CSGALNACT1: variants seen among roughly 807,000 people sequenced by gnomAD.
CSGALNACT1 encodes chondroitin sulfate N-acetylgalactosaminyltransferase 1.
A neutral mutation model predicts 51.0 loss-of-function variants in CSGALNACT1; 52 were observed. That is an observed-to-expected ratio of 1.02 (90% CI 0.82 to 1.29). CSGALNACT1 has a LOEUF of 1.29. Among genes scored for constraint, CSGALNACT1 ranks in the 50% most tolerant of loss-of-function variants. CSGALNACT1 has a pLI of 0.00. For missense variants in CSGALNACT1, 935 were observed against 679.2 expected (o/e 1.38, Z -4.19); for synonymous variants, 341 against 254.4 (o/e 1.34, Z -3.24).
At chr8:19,468,983 A>G (rs1273637211) in intron 4 of CSGALNACT1, among the ~76,000 whole-genome samples, 1 of 152,172 alleles carries the variant, frequency 6.6e-6, no homozygotes, top group African/African-American at 2.4e-5. Flanking sequence ...AGTCCCAATG[A>G]CAGAAGCACT....
Position 19,631,262 on chromosome 8 carries a change from A to G in CSGALNACT1, c.-543-29397T>C, listed in dbSNP as rs574859222. 1.0e-4 allele frequency among the ~76,000 whole-genome samples: 15 copies of G among 148,594 alleles called. No individual in the cohort carries two copies. The East Asian group carries it at 2.4e-3, about 23-fold the overall frequency. On this transcript the variant is annotated intron_variant, in intron 1 of 9. Transcript: ENST00000332246. ...ATGCTAAGACTATGTTTAGCTTTGG[A>G]AAAAAAAAACTGCCAAACTGTCTTC...
At chr8:19,452,531 C>T (rs1295143872) in intron 5 of CSGALNACT1, among the ~76,000 whole-genome samples, 1 of 152,046 alleles carries the variant, frequency 6.6e-6, no homozygotes, top group African/African-American at 2.4e-5. Context: ...ATGAGACATG[C>T]TGAGAGCTGA....
chr8:19,649,256 A>G (rs748369290), intron 1 of CSGALNACT1, among the ~76,000 whole-genome samples: 17 of 152,172 alleles, frequency 1.1e-4, no homozygotes, highest in Non-Finnish European at 2.2e-4. Context: ...TATGACTACA[A>G]AGAACCTCCT....
At chr8:19,684,795 AAAG>A (rs1278614115), upstream of CSGALNACT1, among the ~76,000 whole-genome samples, 1 of 152,250 alleles carries the variant, frequency 6.6e-6, no homozygotes. Flanking sequence ...CAGAAGAAAA[AAAG>A]AACGTGAATC....
intron 1 of CSGALNACT1, among the ~76,000 whole-genome samples, chr8:19,615,361 G>A (rs749187000): frequency 4.6e-5 from 7 of 152,180 alleles, no homozygotes; most frequent in East Asian, 1.9e-4. Context: ...TCCAAGTGGC[G>A]TCCTGGGAGG....
chr8:19,730,609 T>C (rs2063638165), intron 1 of CSGALNACT1, among the ~76,000 whole-genome samples: 1 of 152,198 alleles, frequency 6.6e-6, no homozygotes, highest in Non-Finnish European at 1.5e-5. Context: ...CTGCCTGCTG[T>C]CTGTCGTTGT....
At chr8:19,618,387 T>G (rs775368654) in intron 1 of CSGALNACT1, among the ~76,000 whole-genome samples, 2 of 151,774 alleles carry the variant, frequency 1.3e-5, no homozygotes, top group African/African-American at 4.8e-5. Context: ...ATACCTGTAA[T>G]CCCACAATTT....
At chr8:19,573,623 T>C (rs2043503264) in intron 3 of CSGALNACT1, among the ~76,000 whole-genome samples, 4 of 152,146 alleles carry the variant, frequency 2.6e-5, no homozygotes, top group Admixed American at 2.6e-4. Flanking sequence ...TTTGTATTTT[T>C]AGTAGATACA....
At chr8:19,462,617 G>A (rs2065795459) in intron 4 of CSGALNACT1, among the ~76,000 whole-genome samples, 1 of 152,154 alleles carries the variant, frequency 6.6e-6, no homozygotes, top group South Asian at 2.1e-4. Flanking sequence ...TCCAGGTATG[G>A]CACACTGCCC....
At chr8:19,705,272 G>T (rs1326937834) in intron 1 of CSGALNACT1, among the ~76,000 whole-genome samples, 2 of 152,012 alleles carry the variant, frequency 1.3e-5, no homozygotes, top group African/African-American at 4.8e-5. Flanking sequence ...GTAACTCAAG[G>T]GTAGCTATTT....
At chr8:19,518,802 G>C (rs1383214317) in intron 3 of CSGALNACT1, among the ~76,000 whole-genome samples, 1 of 152,184 alleles carries the variant, frequency 6.6e-6, no homozygotes, top group Non-Finnish European at 1.5e-5. Flanking sequence ...AGGCAGAGAT[G>C]CTGAGTGTAG....
intron 4 of CSGALNACT1, among the ~76,000 whole-genome samples, chr8:19,481,412 C>T (rs2071366829): frequency 6.6e-6 from 1 of 152,126 alleles, no homozygotes; most frequent in Non-Finnish European, 1.5e-5. Flanking sequence ...TAGGGCCTAA[C>T]AAATGGGAAG....
chr8:19,514,809 G>C (rs2079206630), intron 3 of CSGALNACT1, among the ~76,000 whole-genome samples: 1 of 151,618 alleles, frequency 6.6e-6, no homozygotes, highest in Non-Finnish European at 1.5e-5. Flanking sequence ...CTCCAGCCTG[G>C]GGGACAGAGT....
chr8:19,740,128 C>T (rs1210731878), intron 1 of CSGALNACT1, among the ~76,000 whole-genome samples: 1 of 152,238 alleles, frequency 6.6e-6, no homozygotes, highest in African/African-American at 2.4e-5. Context: ...AAGCTCTCCG[C>T]TGCCTGTGCC....
intron 1 of CSGALNACT1, among the ~76,000 whole-genome samples, chr8:19,663,520 A>T (rs1202342115): frequency 6.6e-6 from 1 of 152,194 alleles, no homozygotes; most frequent in Non-Finnish European, 1.5e-5. Flanking sequence ...TCTGTTCCAA[A>T]GAGCGTAGCA....
At position 19,517,267 on chromosome 8, in the gene CSGALNACT1, A is replaced by C. The variant is rs183728128; in HGVS notation, c.-296-11137T>G. Among the ~76,000 whole-genome samples the C allele has an allele frequency of 3.2e-3, 490 of 152,016 alleles. 9 individuals are homozygous for C. The highest frequency in any genetic ancestry group is 0.03 in the Admixed American group (452 of 15,250). ...AGCAGCCTGACCAACATGGAGAAAA[A>C]CCATCTCTACTAAAAATACAAAATT... On this transcript the variant is annotated intron_variant, in intron 3 of 9. Coordinates refer to ENST00000454498, the Ensembl canonical transcript of CSGALNACT1.
rs1485120577 is a variant in CSGALNACT1, at chr8:19,528,463, A to G, written c.-296-22333T>C. On this transcript the variant is annotated intron_variant, in intron 3 of 9. Coordinates refer to ENST00000454498, the Ensembl canonical transcript of CSGALNACT1. ...AAACACAGACAAAAACAAGGTCAAC[A>G]TGTCACCCGCAAAATACCAAACACC... Among the ~76,000 whole-genome samples the G allele has an allele frequency of 1.3e-5, 2 of 152,168 alleles. 1 individual carries two copies. The highest frequency in any genetic ancestry group is 2.9e-5 in the Non-Finnish European group (2 of 68,028).
chr8:19,558,574 TA>T (rs1452135237), intron 3 of CSGALNACT1, among the ~76,000 whole-genome samples: 7 of 152,238 alleles, frequency 4.6e-5, no homozygotes, highest in African/African-American at 1.7e-4. Flanking sequence ...TCCTGTATTT[TA>T]TATCATGTGG....
intron 2 of CSGALNACT1, among the ~76,000 whole-genome samples, chr8:19,597,213 T>C (rs565372843): frequency 1.3e-5 from 2 of 152,020 alleles, no homozygotes; most frequent in African/African-American, 4.8e-5. Flanking sequence ...ATTGTATGGA[T>C]ATACATACTG....
Sources: gnomAD v4.1 joint callset for allele counts (sites outside exome capture counted in the v4.1 genomes callset) on GRCh38, gnomAD v4.1.1 for gene constraint, MANE v1.5 for transcripts, NCBI Gene and HGNC (gene_info 2026-07-23, HGNC 2026-07-21) for gene names.